ARMH3: variants seen among roughly 807,000 people sequenced by gnomAD.
The protein encoded by ARMH3 is armadillo like helical domain containing 3.
In ARMH3, 60 loss-of-function variants were observed where a neutral mutation model predicts 99.1. The observed-to-expected ratio is 0.61, with a 90% CI of 0.49 to 0.75. The LOEUF is 0.75. Ranked by LOEUF, ARMH3 falls within the 30% of genes least tolerant of loss-of-function variation. The pLI is 0.00. For synonymous variants in ARMH3, 285 were observed against 292.8 expected, an observed-to-expected ratio of 0.97 and a Z score of 0.27; for missense variants, 679 against 843.1, an observed-to-expected ratio of 0.81 and a Z score of 2.41.
chr10:101,962,265 C>G (rs1479448769), intron 20 of ARMH3, among the ~76,000 whole-genome samples: 1 of 152,190 alleles, frequency 6.6e-6, no homozygotes, highest in African/African-American at 2.4e-5. Context: ...TACTCCACAT[C>G]CCTGGGAATG....
At chr10:101,847,690 A>G in intron 25 of ARMH3, 70 bp from the exon 26 acceptor site, 1 of 1,393,216 alleles carries the variant, frequency 7.2e-7, no homozygotes, top group East Asian at 2.3e-5. Context: ...TCAGTTCTAA[A>G]CGGCAGAGGA....
intron 24 of ARMH3, among the ~76,000 whole-genome samples, chr10:101,854,709 G>A (rs961324214): frequency 6.6e-6 from 1 of 152,134 alleles, no homozygotes; most frequent in Non-Finnish European, 1.5e-5. Context: ...TGAGGTCAGA[G>A]ACCTAAGTTT....
At chr10:101,966,209 G>A (rs761804011) in intron 20 of ARMH3, among the ~76,000 whole-genome samples, 17 of 143,130 alleles carry the variant, frequency 1.2e-4, no homozygotes, top group Admixed American at 4.3e-4. Flanking sequence ...GGGTTCAAGC[G>A]ATTCTTGTGC....
chr10:102,053,905 G>C (rs1276289444), intron 1 of ARMH3, among the ~76,000 whole-genome samples: 1 of 152,122 alleles, frequency 6.6e-6, no homozygotes, highest in South Asian at 2.1e-4. Flanking sequence ...TGATCCGCCG[G>C]CCTCCGCCTC....
intron 19 of ARMH3, among the ~76,000 whole-genome samples, chr10:101,983,558 T>C (rs894919763): frequency 6.6e-6 from 1 of 152,172 alleles, no homozygotes; most frequent in Non-Finnish European, 1.5e-5. Context: ...GGCCAGCCAA[T>C]GGTTTAATCA....
intron 24 of ARMH3, among the ~76,000 whole-genome samples, chr10:101,850,862 G>A (rs2066583879): frequency 1.3e-5 from 2 of 152,164 alleles, no homozygotes; most frequent in Admixed American, 1.3e-4. Context: ...CAATATCCCT[G>A]ACACCACAAA....
intron 19 of ARMH3, among the ~76,000 whole-genome samples, chr10:101,988,305 C>T (rs1191702723): frequency 1.3e-5 from 2 of 152,122 alleles, no homozygotes; most frequent in East Asian, 3.8e-4. Flanking sequence ...ATTGAAACTA[C>T]AGTAATACGT....
intron 8 of ARMH3, among the ~76,000 whole-genome samples, chr10:102,023,190 A>G (rs1391958320): frequency 2.1e-5 from 3 of 144,454 alleles, no homozygotes; most frequent in Non-Finnish European, 4.5e-5. Flanking sequence ...TCCGTCTCAA[A>G]AAAAAAAAAA....
intron 23 of ARMH3, among the ~76,000 whole-genome samples, chr10:101,893,220 A>C (rs954921641): frequency 1.3e-5 from 2 of 152,214 alleles, no homozygotes; most frequent in Admixed American, 1.3e-4. Context: ...AGTGTCCAGG[A>C]CCAACACGAT....
chr10:101,966,776 T>TC (rs1297782525), intron 20 of ARMH3, among the ~76,000 whole-genome samples: 1 of 152,098 alleles, frequency 6.6e-6, no homozygotes, highest in East Asian at 1.9e-4. Flanking sequence ...AGCAGTAGAA[T>TC]GAATAATGGA....
At chr10:102,055,162 A>G (rs2067809932) in intron 1 of ARMH3, among the ~76,000 whole-genome samples, 1 of 151,926 alleles carries the variant, frequency 6.6e-6, no homozygotes. Flanking sequence ...TCTCTATCAA[A>G]AATATAAAAT....
At chr10:101,960,901 A>G (rs1287892529) in intron 20 of ARMH3, among the ~76,000 whole-genome samples, 2 of 151,952 alleles carry the variant, frequency 1.3e-5, no homozygotes, top group African/African-American at 2.4e-5. Flanking sequence ...AAAAAAAAAA[A>G]AAAAAAAGAA....
intron 23 of ARMH3, among the ~76,000 whole-genome samples, chr10:101,911,406 A>C (rs554542034): frequency 6.6e-6 from 1 of 152,310 alleles, no homozygotes; most frequent in East Asian, 1.9e-4. Context: ...CTTGTGCCAG[A>C]AAGCAAGAAG....
intron 23 of ARMH3, among the ~76,000 whole-genome samples, chr10:101,903,556 CAG>C (rs768099627): frequency 1.3e-4 from 20 of 152,284 alleles, no homozygotes; most frequent in Non-Finnish European, 2.4e-4. Context: ...GGTGCTTGAG[CAG>C]AGTCTCAAAA....
At chr10:102,009,623 T>C (rs1197179630) in intron 12 of ARMH3, among the ~76,000 whole-genome samples, 174 bp from the exon 13 acceptor site, 1 of 151,982 alleles carries the variant, frequency 6.6e-6, no homozygotes, top group East Asian at 1.9e-4. Context: ...TAGGCAGGAG[T>C]CAGGGCCTTC....
At chr10:101,955,384 C>T (rs1404740777) in intron 22 of ARMH3, among the ~76,000 whole-genome samples, 4 of 152,068 alleles carry the variant, frequency 2.6e-5, no homozygotes, top group Non-Finnish European at 4.4e-5. Context: ...GTTTTAAGTC[C>T]GAGTTTTCTG....
chr10:102,012,882 A>G lies in ARMH3; in HGVS notation c.727-6T>C. 2 of 1,605,712 alleles carry G rather than the reference A, an allele frequency of 1.2e-6. No homozygotes were observed. Among genetic ancestry groups the G allele is most frequent in the East Asian group, 4.5e-5 (2 of 44,688 alleles). On this transcript the variant is annotated splice_region_variant and splice_polypyrimidine_tract_variant and intron_variant, in intron 9 of 25. Coordinates refer to ENST00000370033, the MANE Select transcript of ARMH3 (RefSeq NM_024541.3). Reference sequence around the variant, plus strand: ...GCAATTACAAGTCCCATTCCCTAGAAGGGAAAAGATAGCACAGGTGAAATA... The same window carrying G: ...GCAATTACAAGTCCCATTCCCTAGAGGGGAAAAGATAGCACAGGTGAAATA...
At chr10:101,983,653 T>C (rs1487697292) in intron 19 of ARMH3, among the ~76,000 whole-genome samples, 1 of 152,166 alleles carries the variant, frequency 6.6e-6, no homozygotes, top group Non-Finnish European at 1.5e-5. Context: ...CATGGAGGCC[T>C]ACAGGAAGGC....
At position 101,946,071 on chromosome 10, in the gene ARMH3, C is replaced by CAAAAAAAAA. The variant is rs569179050; in HGVS notation, c.1706-6142_1706-6134dup. 2.9e-4 allele frequency among the ~76,000 whole-genome samples: 10 copies of CAAAAAAAAA among 34,488 alleles called. 1 individual carries two copies. Among genetic ancestry groups the CAAAAAAAAA allele is most frequent in the African/African-American group, 9.6e-4 (4 of 4,174 alleles). 22.6% of individuals were successfully genotyped at this position (34,488 alleles called of 152,430 possible). A position where few individuals can be genotyped will look rare whatever the true frequency, so the allele number is the denominator to read the frequency against. ...TGGGCGACAGAGTAAGACTCTGCCT[C>CAAAAAAAAA]AAAAAAAAAAAAAAAAAAAAAAAAA... On this transcript the variant is annotated intron_variant, in intron 22 of 25. Coordinates refer to ENST00000370033, the MANE Select transcript of ARMH3 (RefSeq NM_024541.3).
Sources: allele counts gnomAD v4.1 joint callset (sites outside exome capture counted in the v4.1 genomes callset), GRCh38; gene constraint gnomAD v4.1.1; transcripts MANE v1.5; gene names NCBI Gene and HGNC (gene_info 2026-07-23, HGNC 2026-07-21).